ERP44: variants seen among roughly 807,000 people sequenced by gnomAD.
The protein encoded by ERP44 is endoplasmic reticulum resident protein 44.
ERP44 carries 25 observed loss-of-function variants against 53.4 expected under a neutral mutation model. That is an observed-to-expected ratio of 0.47 (90% confidence interval 0.34 to 0.65). ERP44 has a LOEUF of 0.65. ERP44 is among the 30% of genes least tolerant of loss of function. The probability of loss-of-function intolerance (pLI) is 0.01; values close to 1 mark genes in which losing one functional copy is unlikely to be tolerated. For missense variants in ERP44, 338 were observed against 493.2 expected, an observed-to-expected ratio of 0.69 and a Z score of 2.98; for synonymous variants, 145 against 161.2, an observed-to-expected ratio of 0.90 and a Z score of 0.76.
chr9:100,059,983 T>C, intron 2 of ERP44, 117 bp downstream of exon 2: 1 of 839,854 alleles, frequency 1.2e-6, no homozygotes, highest in Non-Finnish European at 1.6e-6. Flanking sequence ...TTAATCAGAA[T>C]GCCAGCTCTT....
chr9:100,095,555 TTTTG>T (rs936064348), intron 1 of ERP44, among the ~76,000 whole-genome samples: 12 of 152,288 alleles, frequency 7.9e-5, no homozygotes, highest in African/African-American at 2.6e-4. Flanking sequence ...GGTATTGTGG[TTTTG>T]TTTAATTCTT....
At chr9:100,008,803 C>T (rs1587960957) in intron 8 of ERP44, among the ~76,000 whole-genome samples, 1 of 152,226 alleles carries the variant, frequency 6.6e-6, no homozygotes, top group East Asian at 1.9e-4. Context: ...CTCACTGTGT[C>T]GCCCAGGCTG....
chr9:100,077,937 T>A (rs145206468), intron 1 of ERP44, among the ~76,000 whole-genome samples: 294 of 151,972 alleles, frequency 1.9e-3, no homozygotes, highest in African/African-American at 6.8e-3. Context: ...GGAATGAAGG[T>A]TTGGGTCACT....
intron 4 of ERP44, among the ~76,000 whole-genome samples, chr9:100,026,670 C>T (rs1830656068): frequency 6.6e-6 from 1 of 151,840 alleles, no homozygotes; most frequent in Non-Finnish European, 1.5e-5. Context: ...AATATGAAAC[C>T]CTGTGAAAGT....
chr9:100,088,151 C>A (rs1826507578), intron 1 of ERP44, among the ~76,000 whole-genome samples: 1 of 152,040 alleles, frequency 6.6e-6, no homozygotes, highest in Non-Finnish European at 1.5e-5. Flanking sequence ...CCTACTGAGT[C>A]AGATCAGCAA....
At chr9:100,035,183 G>A (rs928619373) in intron 4 of ERP44, among the ~76,000 whole-genome samples, 1 of 152,090 alleles carries the variant, frequency 6.6e-6, no homozygotes, top group African/African-American at 2.4e-5. Context: ...TTATGGCTAA[G>A]ACACCAAAAG....
intron 4 of ERP44, among the ~76,000 whole-genome samples, chr9:100,034,987 T>C (rs1466986236): frequency 1.3e-5 from 2 of 152,180 alleles, no homozygotes; most frequent in African/African-American, 4.8e-5. Context: ...GACTCTCTAT[T>C]CAATAAATGG....
intron 1 of ERP44, among the ~76,000 whole-genome samples, chr9:100,093,060 AT>A (rs1826579290): frequency 6.6e-6 from 1 of 152,234 alleles, no homozygotes; most frequent in African/African-American, 2.4e-5. Context: ...CCTTTTGTAC[AT>A]TTTTTATAAC....
chr9:100,000,059 G>C (rs545600522), intron 10 of ERP44, among the ~76,000 whole-genome samples: 3 of 152,018 alleles, frequency 2.0e-5, no homozygotes, highest in African/African-American at 7.3e-5. Flanking sequence ...GAGGACTTTT[G>C]CATCTATGTT....
At chr9:100,054,431 T>TA (rs1240551047) in intron 3 of ERP44, among the ~76,000 whole-genome samples, 4 of 152,208 alleles carry the variant, frequency 2.6e-5, no homozygotes, top group Admixed American at 2.6e-4. Context: ...AAGGGCGACG[T>TA]AAAAAAACAC....
intron 10 of ERP44, chr9:99,998,468 A>G (rs1358257084): frequency 8.6e-6 from 6 of 697,286 alleles, no homozygotes; most frequent in African/African-American, 3.6e-5. Flanking sequence ...ACACCTCTGC[A>G]CTCTTCCTGG....
intron 10 of ERP44, among the ~76,000 whole-genome samples, chr9:99,988,881 C>G (rs1264942670): frequency 3.3e-5 from 5 of 152,242 alleles, no homozygotes; most frequent in African/African-American, 1.2e-4. Context: ...GAGATTATAT[C>G]CCACACCTGG....
intron 11 of ERP44, 74 bp from the exon 12 acceptor site, chr9:99,982,787 G>C: frequency 1.3e-6 from 1 of 786,442 alleles, no homozygotes; most frequent in Non-Finnish European, 1.9e-6. Flanking sequence ...AAGTGTATTC[G>C]ATGAATAGTA....
chr9:100,040,628 T>C (rs935134538), intron 4 of ERP44, among the ~76,000 whole-genome samples: 1 of 152,160 alleles, frequency 6.6e-6, no homozygotes, highest in African/African-American at 2.4e-5. Context: ...ACTGTCACTA[T>C]TATTCAACAT....
chr9:100,085,886 C>T (rs973883191), intron 1 of ERP44, among the ~76,000 whole-genome samples: 2 of 152,118 alleles, frequency 1.3e-5, no homozygotes, highest in African/African-American at 2.4e-5. Flanking sequence ...GCAACAAGAG[C>T]GAAACTCTGT....
chr9:100,023,372 T>C (rs1029061174), intron 4 of ERP44, among the ~76,000 whole-genome samples: 3 of 149,866 alleles, frequency 2.0e-5, no homozygotes, highest in African/African-American at 7.3e-5. Flanking sequence ...CTTATCCTAC[T>C]TACAATGATA....
At chr9:99,990,403 C>CT (rs1830241151) in intron 10 of ERP44, among the ~76,000 whole-genome samples, 1 of 152,170 alleles carries the variant, frequency 6.6e-6, no homozygotes, top group Admixed American at 6.5e-5. Flanking sequence ...AATTTCATAT[C>CT]CAGCCAAACT....
At chr9:100,001,929 G>A (rs1830382055) in intron 10 of ERP44, among the ~76,000 whole-genome samples, 1 of 151,914 alleles carries the variant, frequency 6.6e-6, no homozygotes, top group South Asian at 2.1e-4. Flanking sequence ...GTGATTAGGT[G>A]ATTTTCTCTA....
chr9:100,032,156 C>G (rs1405301349), intron 4 of ERP44, among the ~76,000 whole-genome samples: 25 of 151,894 alleles, frequency 1.6e-4, no homozygotes, highest in Non-Finnish European at 2.9e-5. Flanking sequence ...AAAATGGGAC[C>G]CTTAATTTGG....
Sources: allele counts gnomAD v4.1 joint callset (sites outside exome capture counted in the v4.1 genomes callset), GRCh38; gene constraint gnomAD v4.1.1; transcripts MANE v1.5; gene names NCBI Gene and HGNC (gene_info 2026-07-23, HGNC 2026-07-21).